GPC6: variants seen among roughly 807,000 people sequenced by gnomAD.
GPC6 encodes glypican 6, also known as glypican-6.
Under a neutral mutation model 55.2 loss-of-function variants are expected in GPC6, and 14 were observed. The ratio of observed to expected loss-of-function variants is 0.25; its 90% CI spans 0.17 to 0.40. GPC6 has a LOEUF of 0.40. GPC6 is among the 10% of genes least tolerant of loss of function. The pLI, the probability that GPC6 is intolerant of heterozygous loss-of-function variation, is 1.00. For synonymous variants in GPC6, 278 were observed against 259.6 expected, an observed-to-expected ratio of 1.07 and a Z score of -0.68; for missense variants, 641 against 708.5, an observed-to-expected ratio of 0.90 and a Z score of 1.08.
At chr13:93,985,162 C>T (rs1391114651) in intron 3 of GPC6, among the ~76,000 whole-genome samples, 1 of 152,082 alleles carries the variant, frequency 6.6e-6, no homozygotes, top group Non-Finnish European at 1.5e-5. Flanking sequence ...GGGCCAGGCG[C>T]AGGGGCTCAC....
chr13:93,854,927 T>C (rs1378597367), intron 3 of GPC6, among the ~76,000 whole-genome samples: 1 of 151,490 alleles, frequency 6.6e-6, no homozygotes, highest in Non-Finnish European at 1.5e-5. Context: ...ATTTCCCACA[T>C]AACCTTTCCC....
intron 6 of GPC6, among the ~76,000 whole-genome samples, chr13:94,367,072 C>G (rs1398613593): frequency 6.6e-6 from 1 of 152,198 alleles, no homozygotes; most frequent in Non-Finnish European, 1.5e-5. Context: ...CAACAAATCC[C>G]AAGTCCTCCT....
At chr13:93,952,595 G>A (rs1235242499) in intron 3 of GPC6, among the ~76,000 whole-genome samples, 8 of 151,504 alleles carry the variant, frequency 5.3e-5, no homozygotes, top group African/African-American at 1.9e-4. Flanking sequence ...TATATGTGAT[G>A]TATACATTTA....
chr13:93,817,710 T>G (rs1886902736), intron 2 of GPC6, among the ~76,000 whole-genome samples: 1 of 151,726 alleles, frequency 6.6e-6, no homozygotes, highest in Admixed American at 6.6e-5. Context: ...AATACAAAAA[T>G]TAGCCCAGTG....
At chr13:94,325,572 G>T (rs1877074733) in intron 6 of GPC6, among the ~76,000 whole-genome samples, 1 of 152,146 alleles carries the variant, frequency 6.6e-6, no homozygotes, top group South Asian at 2.1e-4. Context: ...AGGAGTAAAA[G>T]CTATGGCTCT....
intron 4 of GPC6, among the ~76,000 whole-genome samples, chr13:94,167,228 T>G (rs1029790170): frequency 6.6e-5 from 10 of 152,296 alleles, no homozygotes; most frequent in African/African-American, 2.4e-4. Context: ...ATAGAAATAT[T>G]TGGAATATTG....
intron 2 of GPC6, among the ~76,000 whole-genome samples, chr13:93,581,548 A>T (rs1029428985): frequency 6.6e-6 from 1 of 152,150 alleles, no homozygotes; most frequent in Non-Finnish European, 1.5e-5. Context: ...TCTCTACAAA[A>T]ATACAAAAAT....
Position 94,407,461 on chromosome 13 carries a change from A to AT in GPC6, c.*4250dup, listed in dbSNP as rs1359649235. 1 of 152,078 alleles carries AT rather than the reference A, an allele frequency of 6.6e-6. No individual in the cohort carries two copies. Among genetic ancestry groups the AT allele is most frequent in the African/African-American group, 2.4e-5 (1 of 41,424 alleles). 9.4% of individuals were successfully genotyped at this position (152,078 alleles called of 1,614,324 possible). On this transcript the variant is annotated 3_prime_UTR_variant, in exon 9 of 9. Coordinates refer to ENST00000377047, the MANE Select transcript of GPC6 (RefSeq NM_005708.5). Reference sequence around the variant, plus strand: ...ATAGTCTAAATTTCAGAGCCATGGAATTTTTTGTGTTTGAGACATTTTTAG... The same window carrying AT: ...ATAGTCTAAATTTCAGAGCCATGGAATTTTTTTGTGTTTGAGACATTTTTAG...
intron 3 of GPC6, among the ~76,000 whole-genome samples, chr13:94,025,142 C>A (rs1882845847): frequency 6.6e-6 from 1 of 152,136 alleles, no homozygotes; most frequent in Non-Finnish European, 1.5e-5. Context: ...TCATTTAATA[C>A]CAATGGTGAG....
At chr13:93,663,301 T>G (rs2139615997) in intron 2 of GPC6, among the ~76,000 whole-genome samples, 1 of 152,264 alleles carries the variant, frequency 6.6e-6, no homozygotes, top group African/African-American at 2.4e-5. Context: ...GAATCACATA[T>G]AGCCCATAGC....
chr13:93,967,302 A>G (rs1880092791), intron 3 of GPC6, among the ~76,000 whole-genome samples: 1 of 152,234 alleles, frequency 6.6e-6, no homozygotes, highest in Non-Finnish European at 1.5e-5. Context: ...GTTATAATTC[A>G]GTGCTACATA....
In GPC6 at chr13:94,355,809, G is replaced by A. The variant is rs539922943; in HGVS notation, c.1153-26605G>A. 5.9e-5 allele frequency among the ~76,000 whole-genome samples: 9 copies of A among 152,094 alleles called. No homozygotes were observed. In the Middle Eastern group the frequency reaches 0.01, roughly 172 times the overall value. On this transcript the variant is annotated intron_variant, in intron 6 of 8. Transcript: ENST00000377047. Reference sequence around the variant, plus strand: ...CTTAATTTTAAGTTCTGGGATACATGCGCAGGACATGCAGGTTTGTTACAT... The same window carrying A: ...CTTAATTTTAAGTTCTGGGATACATACGCAGGACATGCAGGTTTGTTACAT...
chr13:93,623,455 C>CTT (rs567830011), intron 2 of GPC6, among the ~76,000 whole-genome samples: 31 of 116,172 alleles, frequency 2.7e-4, no homozygotes, highest in African/African-American at 6.5e-4. Context: ...CTTTTCTTTT[C>CTT]TTTTTTTTTT....
intron 2 of GPC6, among the ~76,000 whole-genome samples, chr13:93,566,108 G>T (rs141057814): frequency 6.6e-6 from 1 of 152,200 alleles, no homozygotes; most frequent in African/African-American, 2.4e-5. Context: ...TGAACATAAG[G>T]CACTGCCATC....
intron 4 of GPC6, among the ~76,000 whole-genome samples, chr13:94,226,280 C>CTGG (rs1213448083): frequency 2.6e-5 from 4 of 152,048 alleles, no homozygotes; most frequent in Non-Finnish European, 5.9e-5. Flanking sequence ...AAAAGAAGTG[C>CTGG]TGGGGGCAGG....
At chr13:93,634,030 T>A (rs572634832) in intron 2 of GPC6, among the ~76,000 whole-genome samples, 40 of 152,192 alleles carry the variant, frequency 2.6e-4, no homozygotes, top group Non-Finnish European at 4.7e-4. Context: ...TTTAACATAC[T>A]ACTGGGTATA....
intron 2 of GPC6, among the ~76,000 whole-genome samples, chr13:93,564,919 C>G (rs889946082): frequency 6.6e-6 from 1 of 152,138 alleles, no homozygotes; most frequent in Non-Finnish European, 1.5e-5. Context: ...ATTTCCCTAT[C>G]CTTTTCTGTG....
At chr13:94,125,206 T>C (rs911123743) in intron 4 of GPC6, among the ~76,000 whole-genome samples, 3 of 152,158 alleles carry the variant, frequency 2.0e-5, no homozygotes, top group African/African-American at 7.2e-5. Flanking sequence ...TATGTAAATT[T>C]CTATTTTATG....
At chr13:93,378,430 T>G (rs567163489) in intron 1 of GPC6, among the ~76,000 whole-genome samples, 1 of 152,280 alleles carries the variant, frequency 6.6e-6, no homozygotes, top group African/African-American at 2.4e-5. Flanking sequence ...CCCCACTCAC[T>G]TTCAAAGACT....
Sources: gnomAD v4.1 joint callset for allele counts (sites outside exome capture counted in the v4.1 genomes callset) on GRCh38, gnomAD v4.1.1 for gene constraint, MANE v1.5 for transcripts, NCBI Gene and HGNC (gene_info 2026-07-23, HGNC 2026-07-21) for gene names.